ZNF827: variants seen among roughly 807,000 people sequenced by gnomAD.
The protein encoded by ZNF827 is zinc finger protein 827.
ZNF827 carries 13 observed loss-of-function variants against 102.4 expected under a neutral mutation model. That is an observed-to-expected ratio of 0.13 (90% confidence interval 0.08 to 0.20). The LOEUF (loss-of-function observed/expected upper bound fraction) is 0.20, where lower values mean the gene tolerates loss of function less well. Among genes scored for constraint, ZNF827 ranks in the 10% least tolerant of loss-of-function variants. The pLI is 1.00. For synonymous variants in ZNF827, 523 were observed against 536.2 expected (o/e 0.98, Z 0.34); for missense variants, 1,103 against 1,344.4 (o/e 0.82, Z 2.81).
intron 1 of ZNF827, among the ~76,000 whole-genome samples, chr4:145,936,183 C>G (rs1754152945): frequency 6.6e-6 from 1 of 151,892 alleles, no homozygotes. Flanking sequence ...TCCCCCCACA[C>G]GCCCCCGACA....
chr4:145,937,124 G>T (rs1472976120), intron 1 of ZNF827, among the ~76,000 whole-genome samples: 1 of 152,114 alleles, frequency 6.6e-6, no homozygotes, highest in Non-Finnish European at 1.5e-5. Flanking sequence ...AACACTCAAA[G>T]CGGAGAAAGA....
intron 1 of ZNF827, among the ~76,000 whole-genome samples, chr4:145,934,314 T>C (rs780417081): frequency 6.6e-5 from 10 of 152,220 alleles, no homozygotes; most frequent in Admixed American, 2.0e-4. Context: ...CATCTTTTTC[T>C]GTATATGTAT....
chr4:145,873,683 G>A (rs763075386), intron 4 of ZNF827, among the ~76,000 whole-genome samples: 19 of 152,156 alleles, frequency 1.2e-4, no homozygotes, highest in African/African-American at 2.4e-4. Flanking sequence ...TACTTCCAAC[G>A]TCTACCAGGA....
At chr4:145,843,172 A>G (rs1264873444) in intron 7 of ZNF827, among the ~76,000 whole-genome samples, 1 of 152,018 alleles carries the variant, frequency 6.6e-6, no homozygotes, top group African/African-American at 2.4e-5. Flanking sequence ...GAGAGGTAAA[A>G]AAGAGATCTA....
At chr4:145,803,787 C>T (rs902133024) in intron 8 of ZNF827, among the ~76,000 whole-genome samples, 5 of 152,172 alleles carry the variant, frequency 3.3e-5, no homozygotes, top group African/African-American at 1.2e-4. Context: ...CAACTTTATC[C>T]CAGTTCTCCA....
At chr4:145,933,318 T>G (rs1387867709) in intron 1 of ZNF827, among the ~76,000 whole-genome samples, 3 of 152,168 alleles carry the variant, frequency 2.0e-5, no homozygotes, top group Non-Finnish European at 4.4e-5. Context: ...ACAGGATCAG[T>G]GAAATATTTT....
intron 1 of ZNF827, among the ~76,000 whole-genome samples, chr4:145,925,340 C>T (rs1378256722): frequency 2.6e-5 from 4 of 152,220 alleles, no homozygotes; most frequent in Non-Finnish European, 2.9e-5. Flanking sequence ...AAGTCCATCA[C>T]TTCCTTGAGG....
chr4:145,787,399 T>C lies in ZNF827; in HGVS notation c.2384-7888A>G, dbSNP rs1175801543. Among the ~76,000 whole-genome samples, 3 of 149,996 alleles carry C rather than the reference T, an allele frequency of 2.0e-5. No homozygotes were observed. In the Admixed American group the frequency reaches 2.0e-4, roughly 10 times the overall value. ...AATCGCTTGAACCCGGAGGTAGAGA[T>C]TGCAGTGAGCTGAGACCACGCCATT... is the stretch of plus-strand genomic sequence containing the variant. On this transcript the variant is annotated intron_variant, in intron 8 of 14. Transcript: ENST00000508784.
At chr4:145,889,550 C>T (rs1750416131) in intron 3 of ZNF827, among the ~76,000 whole-genome samples, 1 of 146,982 alleles carries the variant, frequency 6.8e-6, no homozygotes, top group Non-Finnish European at 1.5e-5. Flanking sequence ...CTATACTGAC[C>T]CCACTTTTTT....
intron 1 of ZNF827, among the ~76,000 whole-genome samples, chr4:145,938,083 G>A (rs573456493): frequency 6.7e-6 from 1 of 149,302 alleles, no homozygotes; most frequent in Non-Finnish European, 1.5e-5. Flanking sequence ...GGGGGAAGGG[G>A]AGGGAAAGGG....
chr4:145,863,026 T>G (rs894585642), intron 5 of ZNF827, among the ~76,000 whole-genome samples: 1 of 152,118 alleles, frequency 6.6e-6, no homozygotes, highest in Non-Finnish European at 1.5e-5. Flanking sequence ...CCAGAATACA[T>G]AAGAAACTTT....
At position 145,761,278 on chromosome 4, in the gene ZNF827, G is replaced by A. The variant is rs1225525481; in HGVS notation, c.*338C>T. On this transcript the variant is annotated 3_prime_UTR_variant, in exon 15 of 15. Transcript: ENST00000508784. This position sits in a 1 kb window ranked among gnomAD's most constrained non-coding sequence, Gnocchi z 6.8. ...CTCTTCGCAGCTGAAGGTCTGGCGT[G>A]GGGCGTGCTTCAGCTTCTTGTGCAG... is the stretch of plus-strand genomic sequence containing the variant. 7.8e-7 allele frequency: 1 copy of A among 1,289,922 alleles called. No homozygotes were observed. Among genetic ancestry groups the A allele is most frequent in the East Asian group, 5.5e-5 (1 of 18,026 alleles). The allele number at this position is 1,289,922 out of a possible 1,614,324, so 79.9% of individuals were successfully genotyped here. A position where few individuals can be genotyped will look rare whatever the true frequency, so the allele number is the denominator to read the frequency against.
chr4:145,849,216 C>A, intron 6 of ZNF827, 106 bp downstream of exon 6: 1 of 1,407,728 alleles, frequency 7.1e-7, no homozygotes, highest in Admixed American at 2.5e-5. Context: ...TGATTTCTGT[C>A]TAAAAAATCC....
rs992977791 is a variant in ZNF827 at position 145,759,111 on chromosome 4, T to C, written c.*2505A>G. 1 of 152,184 alleles carries C rather than the reference T, an allele frequency of 6.6e-6. No homozygotes were observed. The highest frequency in any genetic ancestry group is 1.5e-5 in the Non-Finnish European group (1 of 68,024). 9.4% of individuals were successfully genotyped at this position (152,184 alleles called of 1,614,324 possible). ...AAACAGCAACACAGTAAGAAAATGT[T>C]CCTCCTGTACACCAGTTCTCCAATA... On this transcript the variant is annotated 3_prime_UTR_variant, in exon 15 of 15. Transcript: ENST00000508784.
At chr4:145,913,308 C>T (rs796872453) in intron 1 of ZNF827, among the ~76,000 whole-genome samples, 6 of 151,694 alleles carry the variant, frequency 4.0e-5, no homozygotes, top group African/African-American at 1.5e-4. Context: ...TGCCTGTGGT[C>T]CCAGCTACTC....
intron 4 of ZNF827, among the ~76,000 whole-genome samples, chr4:145,872,041 C>T (rs1331546629): frequency 1.3e-5 from 2 of 152,168 alleles, no homozygotes; most frequent in Non-Finnish European, 2.9e-5. Context: ...GTGAGGTCTA[C>T]TCTGATCATC....
At chr4:145,837,870 T>C (rs1297936015) in intron 7 of ZNF827, among the ~76,000 whole-genome samples, 273 of 151,838 alleles carry the variant, frequency 1.8e-3, no homozygotes, top group African/African-American at 6.3e-3. Context: ...TATCACCCCT[T>C]ACAAGACCTC....
intron 10 of ZNF827, among the ~76,000 whole-genome samples, chr4:145,775,080 C>T (rs763556434): frequency 4.6e-5 from 7 of 152,162 alleles, no homozygotes; most frequent in Non-Finnish European, 1.0e-4. Context: ...GAACCTCTCT[C>T]TGGCTCTGGA....
intron 7 of ZNF827, among the ~76,000 whole-genome samples, chr4:145,841,390 T>C (rs1314503665): frequency 2.0e-5 from 3 of 152,352 alleles, no homozygotes; most frequent in African/African-American, 2.4e-5. Context: ...TCATGTATTT[T>C]CATCTACCAA....
Sources: gnomAD v4.1 joint callset for allele counts (sites outside exome capture counted in the v4.1 genomes callset) on GRCh38, gnomAD v4.1.1 for gene constraint, Gnocchi (gnomAD v3.1) non-coding constraint, MANE v1.5 for transcripts, NCBI Gene and HGNC (gene_info 2026-07-23, HGNC 2026-07-21) for gene names.